UBXN8: variants seen among roughly 807,000 people sequenced by gnomAD.
UBXN8 encodes UBX domain protein 8.
In UBXN8, 27 loss-of-function variants were observed where a neutral mutation model predicts 32.1. The ratio of observed to expected loss-of-function variants is 0.84; its 90% CI spans 0.62 to 1.16. The LOEUF (loss-of-function observed/expected upper bound fraction) is 1.16. Among genes scored for constraint, UBXN8 ranks in the 50% most tolerant of loss-of-function variants. The pLI is 0.00. For missense variants in UBXN8, 306 were observed against 311.4 expected (o/e 0.98, Z 0.13); for synonymous variants, 109 against 111.8 (o/e 0.98, Z 0.16).
intron 5 of UBXN8, among the ~76,000 whole-genome samples, chr8:30,757,501 A>G (rs1321094767): frequency 1.3e-5 from 2 of 151,144 alleles, no homozygotes; most frequent in Non-Finnish European, 3.0e-5. Context: ...GCAGTGAGCC[A>G]AGATTGCACC....
chr8:30,759,558 T>C (rs545775987), intron 5 of UBXN8, among the ~76,000 whole-genome samples: 35 of 151,600 alleles, frequency 2.3e-4, no homozygotes, highest in Admixed American at 1.6e-3. Flanking sequence ...CTTAATAGAT[T>C]AATGGAAATA....
At chr8:30,761,974 C>A (rs1805846218) in intron 6 of UBXN8, among the ~76,000 whole-genome samples, 1 of 151,136 alleles carries the variant, frequency 6.6e-6, no homozygotes, top group Admixed American at 6.6e-5. Context: ...ACATACGTGT[C>A]TTGAAAGCCA....
rs145760644 is a variant in UBXN8, at chr8:30,735,908, T to C, written c.622+2600T>C. Among the ~76,000 whole-genome samples, 296 of 152,304 alleles carry C rather than the reference T, an allele frequency of 1.9e-3. 1 individual carries two copies. Among genetic ancestry groups the C allele is most frequent in the Middle Eastern group, 3.4e-3 (1 of 294 alleles). On this transcript the variant is annotated intron_variant, in intron 1 of 1. Transcript: ENST00000522968. The stretch of plus-strand genomic sequence containing the variant: ...TTCATATTACAACTCTGTGTTGAGG[T>C]TGTAGGTCAAGAGATACTGTGTCAC...
At chr8:30,757,940 A>G (rs967637628) in intron 5 of UBXN8, among the ~76,000 whole-genome samples, 1 of 151,666 alleles carries the variant, frequency 6.6e-6, no homozygotes, top group African/African-American at 2.4e-5. Flanking sequence ...AGACTGGAAT[A>G]CAGTGGTGAA....
At position 30,766,869 on chromosome 8, in the gene UBXN8, T is replaced by C. The variant is rs1563568661; in HGVS notation, c.*475T>C. 6.6e-6 allele frequency: 1 copy of C among 152,312 alleles called. No homozygotes were observed. Among genetic ancestry groups the C allele is most frequent in the Non-Finnish European group, 1.5e-5 (1 of 68,102 alleles). 9.4% of individuals were successfully genotyped at this position (152,312 alleles called of 1,614,324 possible). On this transcript the variant is annotated 3_prime_UTR_variant, in exon 8 of 8. Coordinates refer to ENST00000265616, the MANE Select transcript of UBXN8 (RefSeq NM_005671.4). ...AGGCTTTAAAGTTCTTTCTGTTGGGTGTGCATTACAGTTTACTTAACTGAT... is the reference window on the plus strand; with the variant it reads ...AGGCTTTAAAGTTCTTTCTGTTGGGCGTGCATTACAGTTTACTTAACTGAT...
intron 6 of UBXN8, among the ~76,000 whole-genome samples, chr8:30,762,382 T>A (rs28660518): frequency 6.8e-6 from 1 of 147,340 alleles, no homozygotes; most frequent in African/African-American, 2.6e-5. Context: ...GATGGGAAAG[T>A]TTTTTGTTTT....
chr8:30,757,787 G>A (rs778364501), intron 5 of UBXN8, among the ~76,000 whole-genome samples: 3 of 151,348 alleles, frequency 2.0e-5, no homozygotes, highest in Non-Finnish European at 4.4e-5. Flanking sequence ...TGAACCCAGC[G>A]GGGTGGAGGT....
chr8:30,762,110 C>G lies in UBXN8; in HGVS notation c.571-1163C>G, dbSNP rs965008321. Among the ~76,000 whole-genome samples, 13 of 144,632 alleles carry G rather than the reference C, an allele frequency of 9.0e-5. No individual in the cohort carries two copies. The Admixed American group carries it at 9.4e-4, about 10-fold the overall frequency. The allele number at this position is 144,632 out of a possible 152,430, so 94.9% of individuals were successfully genotyped here. The stretch of plus-strand genomic sequence containing the variant: ...ACAGGCTTTTGCTCTGTCTCATAGG[C>G]TGGAGTGTCTTGGCACGATCATAGC... On this transcript the variant is annotated intron_variant, in intron 6 of 7. Transcript: ENST00000265616.
chr8:30,766,563 A>G lies in UBXN8; in HGVS notation c.*169A>G, dbSNP rs2128757641. 6 of 637,486 alleles carry G rather than the reference A, an allele frequency of 9.4e-6. No homozygotes were observed. The highest frequency in any genetic ancestry group is 1.4e-5 in the Non-Finnish European group (6 of 418,362). The allele number at this position is 637,486 out of a possible 1,614,324, so 39.5% of individuals were successfully genotyped here. On this transcript the variant is annotated 3_prime_UTR_variant, in exon 8 of 8. Transcript: ENST00000265616. ...ATTAGAAAAGGATTGCTTTCTATAT[A>G]TAATAATCTGTGGACTGTGCCATTT...
Position 30,753,052 on chromosome 8 carries a change from G to A in UBXN8, c.229G>A (p.Glu77Lys), listed in dbSNP as rs372483999. ...VYLKEEEEKN[E>K]KRQKLVRKKQ... ...TGTCTTAGAAGAAGAAGAAAAGAATGAGAAAAGACAAAAACTTGTGAGAAA... is the reference window on the plus strand; with the variant it reads ...TGTCTTAGAAGAAGAAGAAAAGAATAAGAAAAGACAAAAACTTGTGAGAAA... Residue 77 changes from glutamate (E) to lysine (K), a missense_variant, in exon 3 of 8, where the codon GAG becomes AAG. Coordinates refer to ENST00000265616, the MANE Select transcript of UBXN8 (RefSeq NM_005671.4). 4 of 1,526,844 alleles carry A rather than the reference G, an allele frequency of 2.6e-6. No individual in the cohort carries two copies. Among genetic ancestry groups the A allele is most frequent in the Non-Finnish European group, 3.5e-6 (4 of 1,138,812 alleles). The allele number at this position is 1,526,844 out of a possible 1,614,324, so 94.6% of individuals were successfully genotyped here. A position where few individuals can be genotyped will look rare whatever the true frequency, so the allele number is the denominator to read the frequency against.
At chr8:30,747,537 C>T (rs1489512549) in intron 1 of UBXN8, among the ~76,000 whole-genome samples, 1 of 140,746 alleles carries the variant, frequency 7.1e-6, no homozygotes, top group African/African-American at 2.7e-5. Context: ...TTACAAACTC[C>T]TGAGTTCAAG....
intron 1 of UBXN8, among the ~76,000 whole-genome samples, chr8:30,738,082 A>G (rs73247220): frequency 8.0e-5 from 11 of 137,422 alleles, no homozygotes; most frequent in Non-Finnish European, 1.6e-4. Flanking sequence ...AATATGGTGA[A>G]ACCCTGTGTC....
chr8:30,753,846 C>T (rs1468221507), intron 3 of UBXN8, among the ~76,000 whole-genome samples: 1 of 146,960 alleles, frequency 6.8e-6, no homozygotes, highest in Non-Finnish European at 1.5e-5. Context: ...AACCATACCT[C>T]ACTGTCGCCT....
Position 30,746,936 on chromosome 8 carries a change from C to G in UBXN8, c.88+2659C>G, listed in dbSNP as rs1279384930. Among the ~76,000 whole-genome samples, 4 of 138,206 alleles carry G rather than the reference C, an allele frequency of 2.9e-5. 1 individual carries two copies. The highest frequency in any genetic ancestry group is 6.1e-5 in the Non-Finnish European group (4 of 65,176). The allele number at this position is 138,206 out of a possible 152,430, so 90.7% of individuals were successfully genotyped here. The stretch of plus-strand genomic sequence containing the variant: ...CTCTGGGAGGCCGAGGCAGGCGAGT[C>G]ATGAGGTCAAGTAATCGAGACCATC... On this transcript the variant is annotated intron_variant, in intron 1 of 7. Coordinates refer to ENST00000265616, the MANE Select transcript of UBXN8 (RefSeq NM_005671.4).
At chr8:30,747,887 A>ATATTT (rs1805405710) in intron 1 of UBXN8, among the ~76,000 whole-genome samples, 2 of 40,744 alleles carry the variant, frequency 4.9e-5, no homozygotes, top group East Asian at 5.1e-4. Context: ...TTTAATATAT[A>ATATTT]TTTTTTCTTT....
In UBXN8 at chr8:30,744,199, C is replaced by G. The variant is rs1255411995; in HGVS notation, c.10C>G (p.Arg4Gly). The change falls in exon 1 of 8, where the codon CGT (arginine) becomes GGT (glycine). Residue 4 changes from arginine (R) to glycine (G), a missense_variant. Physicochemically the swap from Arg to Gly is moderately radical, Grantham distance 125 (BLOSUM62 -2). Coordinates refer to ENST00000265616, the MANE Select transcript of UBXN8 (RefSeq NM_005671.4). ...AGGCGCTTCCGCCACCATGGCTTCA[C>G]GTGGGGTTGTTGGCATTTTCTTCCT... MAS[R>G]GVVGIFFLSA... 2 of 1,613,402 alleles carry G rather than the reference C, an allele frequency of 1.2e-6. No homozygotes were observed. Among genetic ancestry groups the G allele is most frequent in the Non-Finnish European group, 1.7e-6 (2 of 1,179,700 alleles).
chr8:30,731,583 C>T (rs1018700344), upstream of UBXN8, among the ~76,000 whole-genome samples: 3 of 152,040 alleles, frequency 2.0e-5, no homozygotes, highest in South Asian at 4.2e-4. Flanking sequence ...ATGACCCTTA[C>T]GGTCCCCCGA....
chr8:30,733,594 C>A (rs1156928625), intron 1 of UBXN8, among the ~76,000 whole-genome samples: 1 of 152,136 alleles, frequency 6.6e-6, no homozygotes. Flanking sequence ...TCAGTGACAG[C>A]CCCCCTGCTC....
chr8:30,730,222 TGA>T (rs1804919699), upstream of UBXN8, among the ~76,000 whole-genome samples: 1 of 152,088 alleles, frequency 6.6e-6, no homozygotes, highest in South Asian at 2.1e-4. Flanking sequence ...CAAATGCCCT[TGA>T]GAGAGCAGCG....
Sources: gnomAD v4.1 joint callset for allele counts (sites outside exome capture counted in the v4.1 genomes callset) on GRCh38, gnomAD v4.1.1 for gene constraint, MANE v1.5 for transcripts, NCBI Gene and HGNC (gene_info 2026-07-23, HGNC 2026-07-21) for gene names.